GSE1: variants seen among roughly 807,000 people sequenced by gnomAD.
GSE1 encodes genetic suppressor element 1.
Under a neutral mutation model 112.6 loss-of-function variants are expected in GSE1, and 32 were observed. That is an observed-to-expected ratio of 0.28 (90% CI 0.21 to 0.38). The LOEUF is 0.38. Ranked by LOEUF, GSE1 falls within the 10% of genes least tolerant of loss-of-function variation. The probability of loss-of-function intolerance (pLI) is 1.00; values close to 1 mark genes in which losing one functional copy is unlikely to be tolerated. For missense variants in GSE1, 2,348 were observed against 1,699.2 expected (o/e 1.38, Z -6.71); for synonymous variants, 1,115 against 735.6 (o/e 1.52, Z -8.35).
chr16:85,655,897 G>A lies in GSE1; in HGVS notation c.969G>A (p.Met323Ile). The A allele has an allele frequency of 6.2e-7, 1 of 1,605,202 alleles. No individual in the cohort carries two copies. The highest frequency in any genetic ancestry group is 8.5e-7 in the Non-Finnish European group (1 of 1,179,686). Residue 323 changes from methionine to isoleucine, a missense_variant, in exon 6 of 16, where the codon ATG (methionine) becomes ATA (isoleucine). By Grantham distance (10) the Met-to-Ile change is conservative. Coordinates refer to ENST00000253458, the MANE Select transcript of GSE1 (RefSeq NM_014615.5). ...TGGCAGCGCTGCACTCGGAGCGCAT[G>A]TCTGGCCTCAGCGCGGAGAGGTAAG... ...SSLAALHSER[M>I]SGLSAERLQM...
intron 1 of GSE1, among the ~76,000 whole-genome samples, chr16:85,240,218 G>A (rs1288202717): frequency 2.0e-5 from 3 of 152,210 alleles, no homozygotes; most frequent in Non-Finnish European, 4.4e-5. Flanking sequence ...CTGATGACAC[G>A]TGGGTGCCCA....
At chr16:85,169,748 G>T in exon 1 of GSE1, 1 of 984,064 alleles carries the variant, frequency 1.0e-6, no homozygotes, top group African/African-American at 1.7e-5. Flanking sequence ...CCCGGCGCGC[G>T]CGAGCTGTCC....
At chr16:85,255,568 C>T (rs1906987420) in intron 1 of GSE1, among the ~76,000 whole-genome samples, 1 of 152,142 alleles carries the variant, frequency 6.6e-6, no homozygotes, top group Non-Finnish European at 1.5e-5. Flanking sequence ...CCCACCACCA[C>T]ACCCGGCTAA....
chr16:85,353,313 A>G (rs2046887685), intron 1 of GSE1, among the ~76,000 whole-genome samples: 1 of 152,196 alleles, frequency 6.6e-6, no homozygotes, highest in Non-Finnish European at 1.5e-5. Flanking sequence ...GCACCTTCCT[A>G]TACAAGTTCG....
chr16:85,560,750 C>T (rs1421301792), intron 1 of GSE1, among the ~76,000 whole-genome samples: 1 of 152,156 alleles, frequency 6.6e-6, no homozygotes, highest in East Asian at 1.9e-4. Flanking sequence ...CACCAGGCTG[C>T]TAGCCCCATG....
At chr16:85,236,781 C>A (rs188199881) in intron 1 of GSE1, among the ~76,000 whole-genome samples, 68 of 152,134 alleles carry the variant, frequency 4.5e-4, no homozygotes, top group African/African-American at 1.5e-3. Context: ...GGGAACAACT[C>A]CTGCTGCCTG....
chr16:85,493,583 G>T (rs911741051), intron 2 of GSE1, among the ~76,000 whole-genome samples: 1 of 151,910 alleles, frequency 6.6e-6, no homozygotes, highest in Non-Finnish European at 1.5e-5. Flanking sequence ...GAGAAACCCC[G>T]TCTCTACTAA....
chr16:85,420,396 C>T lies in GSE1; in HGVS notation c.2464+62753C>T, dbSNP rs543190050. Among the ~76,000 whole-genome samples, 19 of 152,232 alleles carry T rather than the reference C, an allele frequency of 1.2e-4. No homozygotes were observed. In the East Asian group the frequency reaches 1.5e-3, roughly 12 times the overall value. On this transcript the variant is annotated intron_variant, in intron 2 of 2. Transcript: ENST00000637419. ...TAAGCCACGCAGTTTGTAGCTCTGG[C>T]AGCCCTGGAAAGCTAACACAGGATC...
At chr16:85,460,675 T>C (rs955353583) in intron 2 of GSE1, among the ~76,000 whole-genome samples, 7 of 152,200 alleles carry the variant, frequency 4.6e-5, no homozygotes, top group African/African-American at 1.7e-4. Context: ...CTTCCAAGAC[T>C]TGAAGAGACG....
At chr16:85,609,228 C>A (rs1049601217), upstream of GSE1, among the ~76,000 whole-genome samples, 1 of 152,170 alleles carries the variant, frequency 6.6e-6, no homozygotes, top group African/African-American at 2.4e-5. Flanking sequence ...CTGTCCCTTG[C>A]CGCCCCCACC....
intron 2 of GSE1, among the ~76,000 whole-genome samples, chr16:85,518,003 G>A (rs1468759050): frequency 2.0e-5 from 3 of 152,224 alleles, no homozygotes; most frequent in African/African-American, 4.8e-5. Flanking sequence ...CCTCCCCGTC[G>A]CTTCCTGCTG....
exon 1 of GSE1, chr16:85,169,764 C>G (rs962387421): frequency 2.9e-5 from 29 of 983,926 alleles, no homozygotes; most frequent in Non-Finnish European, 3.4e-5. Context: ...TGTCCCCGGC[C>G]GACGGCTGCG....
intron 9 of GSE1, 51 bp downstream of exon 9, chr16:85,661,816 G>A: frequency 7.0e-7 from 1 of 1,435,924 alleles, no homozygotes; most frequent in South Asian, 1.5e-5. Context: ...GCACAGTGGG[G>A]ATGGGGAGCC....
intron 1 of GSE1, among the ~76,000 whole-genome samples, chr16:85,263,152 G>A (rs1907888332): frequency 6.6e-6 from 1 of 152,252 alleles, no homozygotes; most frequent in African/African-American, 2.4e-5. Flanking sequence ...GAGTGCGGGA[G>A]GGAAGAGGGT....
At chr16:85,568,354 C>G (rs369367337) in intron 1 of GSE1, among the ~76,000 whole-genome samples, 39 of 152,158 alleles carry the variant, frequency 2.6e-4, no homozygotes, top group African/African-American at 8.9e-4. Context: ...TTCAGGTTCG[C>G]CAGCCCTCTG....
Position 85,498,413 on chromosome 16 carries a change from A to G in GSE1, c.2465-135501A>G, listed in dbSNP as rs535389229. Reference sequence around the variant, plus strand: ...TGTACACACATGCACATACATCCAGACACACAGACACACACGGACACACAG... The same window carrying G: ...TGTACACACATGCACATACATCCAGGCACACAGACACACACGGACACACAG... On this transcript the variant is annotated intron_variant, in intron 2 of 2. Coordinates refer to the GSE1 transcript ENST00000637419. Among the ~76,000 whole-genome samples the G allele has an allele frequency of 1.5e-3, 221 of 152,302 alleles. 1 individual carries two copies. The highest frequency in any genetic ancestry group is 5.2e-3 in the African/African-American group (217 of 41,558).
At chr16:85,296,422 T>C (rs891769511) in intron 1 of GSE1, among the ~76,000 whole-genome samples, 2 of 152,020 alleles carry the variant, frequency 1.3e-5, no homozygotes, top group African/African-American at 4.8e-5. Context: ...CTGGGCAACA[T>C]GGTGAAACCC....
At chr16:85,338,193 T>A (rs893822514) in intron 1 of GSE1, among the ~76,000 whole-genome samples, 5 of 152,232 alleles carry the variant, frequency 3.3e-5, no homozygotes, top group Non-Finnish European at 5.9e-5. Context: ...TGCTTCATCC[T>A]CCTTTCTCAT....
intron 1 of GSE1, among the ~76,000 whole-genome samples, chr16:85,562,723 T>TG (rs969154673): frequency 7.2e-5 from 11 of 152,162 alleles, no homozygotes; most frequent in African/African-American, 2.4e-4. Context: ...GGACACGTGT[T>TG]GGGGGGAGCG....
Sources: allele counts gnomAD v4.1 joint callset (sites outside exome capture counted in the v4.1 genomes callset), GRCh38; gene constraint gnomAD v4.1.1; transcripts MANE v1.5; gene names NCBI Gene and HGNC (gene_info 2026-07-23, HGNC 2026-07-21).